HMGXB4: variants seen among roughly 807,000 people sequenced by gnomAD.
HMGXB4 encodes the protein HMG domain-containing protein 4.
In HMGXB4, 27 loss-of-function variants were observed where a neutral mutation model predicts 63.9. That is an observed-to-expected ratio of 0.42 (90% CI 0.31 to 0.58). The LOEUF is 0.58. Among genes scored for constraint, HMGXB4 ranks in the 20% least tolerant of loss-of-function variants. The pLI is 0.13. For missense variants in HMGXB4, 624 were observed against 700.7 expected (o/e 0.89, Z 1.24); for synonymous variants, 264 against 265.3 (o/e 0.99, Z 0.05).
At position 35,264,898 on chromosome 22, in the gene HMGXB4, A is replaced by C; in HGVS notation, c.510A>C (p.Lys170Asn). Residue 170 changes from lysine (K) to asparagine (N), a missense_variant, in exon 5 of 11, where the codon AAA becomes AAC. Around this residue, in one of 2 missense-constraint regions of HMGXB4, gnomAD observed 472 missense variants for 470.6 expected, o/e 1.00. Transcript: ENST00000216106. ...AGGATGGTGGCTCCCACAAATCGAAAAAAATGAAACCTCTCTATGTGAACA... is the reference window on the plus strand; with the variant it reads ...AGGATGGTGGCTCCCACAAATCGAACAAAATGAAACCTCTCTATGTGAACA... ...PLEDGGSHKS[K>N]KMKPLYVNTE... The C allele has an allele frequency of 6.2e-7, 1 of 1,614,174 alleles. No homozygotes were observed. Among genetic ancestry groups the C allele is most frequent in the South Asian group, 1.1e-5 (1 of 91,082 alleles).
chr22:35,259,901 C>G (rs1319141349), intron 1 of HMGXB4, among the ~76,000 whole-genome samples: 1 of 152,242 alleles, frequency 6.6e-6, no homozygotes, highest in Non-Finnish European at 1.5e-5. Context: ...GCCAACACCA[C>G]ATTTTCTTGG....
In HMGXB4 at chr22:35,286,029, G is replaced by A. The variant is rs267606236; in HGVS notation, c.1330G>A (p.Val444Met). The change falls in exon 7 of 11, where the codon GTG becomes ATG. Residue 444 changes from valine to methionine, a missense_variant. By Grantham distance (21) the Val-to-Met change is conservative (BLOSUM62 1). Coordinates refer to ENST00000216106, the MANE Select transcript of HMGXB4 (RefSeq NM_001003681.3). Reference protein sequence around the residue: ...FGELSKKLAEVWKQLPEKDKL... With the variant: ...FGELSKKLAEMWKQLPEKDKL... Reference sequence around the variant, plus strand: ...GGAACTTAGTAAAAAACTGGCTGAGGTGTGGAAGCAATTACCAGAAAAAGA... The same window carrying A: ...GGAACTTAGTAAAAAACTGGCTGAGATGTGGAAGCAATTACCAGAAAAAGA... 1 of 1,610,482 alleles carries A rather than the reference G, an allele frequency of 6.2e-7. No homozygotes were observed. The highest frequency in any genetic ancestry group is 1.9e-4 in the Middle Eastern group (1 of 5,344).
At chr22:35,253,616 C>CGCGTGT (rs1555886297), upstream of HMGXB4, among the ~76,000 whole-genome samples, 6 of 106,542 alleles carry the variant, frequency 5.6e-5, no homozygotes, top group South Asian at 9.6e-4. Context: ...CGCGCGCGCG[C>CGCGTGT]GTGTGTGTGT....
At position 35,257,554 on chromosome 22, in the gene HMGXB4, G is replaced by A. The variant is rs1206333651; in HGVS notation, c.-72G>A. 2 of 152,748 alleles carry A rather than the reference G, an allele frequency of 1.3e-5. No homozygotes were observed. Among genetic ancestry groups the A allele is most frequent in the Non-Finnish European group, 2.9e-5 (2 of 68,130 alleles). The allele number at this position is 152,748 out of a possible 1,614,324, so 9.5% of individuals were successfully genotyped here. On this transcript the variant is annotated 5_prime_UTR_variant, in exon 1 of 11. The change abolishes the stop of an existing upstream ORF in the 5' untranslated region. Coordinates refer to ENST00000216106, the MANE Select transcript of HMGXB4 (RefSeq NM_001003681.3). ...GAGGCGGGATCCGGGCGAGCCGAGT[G>A]AAGGTAGCGGCGAGCGGAGACCCCA... is the stretch of plus-strand genomic sequence containing the variant.
chr22:35,263,932 G>T, intron 4 of HMGXB4, 58 bp downstream of exon 4: 1 of 1,598,410 alleles, frequency 6.3e-7, no homozygotes, highest in African/African-American at 1.3e-5. Context: ...TTGGAGTCGG[G>T]GTAGGGGAAA....
the HMGXB4 span, among the ~76,000 whole-genome samples, chr22:35,248,610 GC>G: frequency 2.6e-5 from 4 of 151,998 alleles, no homozygotes; most frequent in East Asian, 7.7e-4. Context: ...TCACCACGTT[GC>G]CCAGGCTGGT....
chr22:35,251,603 A>C, the HMGXB4 span, among the ~76,000 whole-genome samples: 1 of 152,240 alleles, frequency 6.6e-6, no homozygotes, highest in African/African-American at 2.4e-5. Context: ...TGGGAAATGC[A>C]GTAATAGATA....
chr22:35,274,257 G>A (rs571178288), intron 5 of HMGXB4, among the ~76,000 whole-genome samples: 3 of 152,318 alleles, frequency 2.0e-5, no homozygotes, highest in South Asian at 4.1e-4. Context: ...GAAAATAGGA[G>A]TAGGCACCTC....
chr22:35,276,247 T>A (rs1021037774), intron 5 of HMGXB4, among the ~76,000 whole-genome samples: 14 of 152,202 alleles, frequency 9.2e-5, no homozygotes, highest in Non-Finnish European at 1.6e-4. Context: ...AGGCTCTACA[T>A]TGAAGGCTGA....
rs767967598 is a variant in HMGXB4, at chr22:35,265,579, CAAAG to C, written c.1193_1196del (p.Lys398ArgfsTer25). On this transcript the variant is annotated frameshift_variant, in exon 5 of 11. Coordinates refer to ENST00000216106, the MANE Select transcript of HMGXB4 (RefSeq NM_001003681.3). LOFTEE classifies it high-confidence loss of function. ...AAAAAAAGAAAAAAGAAGAGAAGGA[CAAAG>C]AGAGAGAGAGAGGAGAAAAGGTAAA... is the stretch of plus-strand genomic sequence containing the variant. 1.4e-5 allele frequency: 22 copies of C among 1,590,808 alleles called. No individual in the cohort carries two copies. The highest frequency in any genetic ancestry group is 2.2e-5 in the East Asian group (1 of 44,632).
chr22:35,250,179 T>C, the HMGXB4 span, among the ~76,000 whole-genome samples: 1 of 152,194 alleles, frequency 6.6e-6, no homozygotes, highest in South Asian at 2.1e-4. Flanking sequence ...AGGCCCCCTC[T>C]TCCCTGAAGC....
At chr22:35,280,931 C>T (rs1263935337) in intron 5 of HMGXB4, among the ~76,000 whole-genome samples, 1 of 152,224 alleles carries the variant, frequency 6.6e-6, no homozygotes, top group Non-Finnish European at 1.5e-5. Flanking sequence ...GTTCCCATAG[C>T]ACCCAATGCT....
chr22:35,282,303 A>G (rs1489251296), intron 5 of HMGXB4, among the ~76,000 whole-genome samples: 1 of 152,138 alleles, frequency 6.6e-6, no homozygotes, highest in African/African-American at 2.4e-5. Context: ...CAGCCTCCCG[A>G]GTAGCTGGGA....
chr22:35,264,390 C>G (rs950839225), intron 4 of HMGXB4, among the ~76,000 whole-genome samples: 10 of 152,194 alleles, frequency 6.6e-5, no homozygotes, highest in African/African-American at 2.4e-4. Flanking sequence ...GGTATGTGCT[C>G]TTTGGTTGCT....
Position 35,294,569 on chromosome 22 carries a change from C to T in HMGXB4, c.*918C>T, listed in dbSNP as rs753997085. ...CCCTGGTGGGCAGATACACAGTGTT[C>T]TGCATTCCACATGTAAGTGAATTGC... On this transcript the variant is annotated 3_prime_UTR_variant, in exon 11 of 11. Coordinates refer to ENST00000216106, the MANE Select transcript of HMGXB4 (RefSeq NM_001003681.3). The T allele has an allele frequency of 6.6e-6, 1 of 152,574 alleles. No homozygotes were observed. Among genetic ancestry groups the T allele is most frequent in the African/African-American group, 2.4e-5 (1 of 41,442 alleles). 9.5% of individuals were successfully genotyped at this position (152,574 alleles called of 1,614,324 possible). A position where few individuals can be genotyped will look rare whatever the true frequency, so the allele number is the denominator to read the frequency against.
At chr22:35,276,877 C>G (rs1032247746) in intron 5 of HMGXB4, among the ~76,000 whole-genome samples, 1 of 152,190 alleles carries the variant, frequency 6.6e-6, no homozygotes, top group Non-Finnish European at 1.5e-5. Flanking sequence ...TGATAAAGGT[C>G]AAATGATTTC....
In HMGXB4 at chr22:35,288,302, C is replaced by G; in HGVS notation, c.1533C>G (p.Ala511=). 6.2e-7 allele frequency: 1 copy of G among 1,612,522 alleles called. No homozygotes were observed. Among genetic ancestry groups the G allele is most frequent in the Non-Finnish European group, 8.5e-7 (1 of 1,179,024 alleles). The change falls in exon 9 of 11, where the codon GCC becomes GCG. Residue 511 remains alanine, a synonymous_variant. Coordinates refer to ENST00000216106, the MANE Select transcript of HMGXB4 (RefSeq NM_001003681.3). Reference sequence around the variant, plus strand: ...CACCCACCACCATGCTGTTACCAGCCTCACCAGCCAAAGCCCCTGAGACAG... The same window carrying G: ...CACCCACCACCATGCTGTTACCAGCGTCACCAGCCAAAGCCCCTGAGACAG... ...KSPPTTMLLP[A]SPAKAPETEP... is the part of the protein sequence containing the mutation.
chr22:35,282,959 T>G (rs564723978), intron 5 of HMGXB4, among the ~76,000 whole-genome samples: 1 of 152,366 alleles, frequency 6.6e-6, no homozygotes, highest in South Asian at 2.1e-4. Context: ...GAACTGACTT[T>G]AAAAATAATT....
intron 2 of HMGXB4, chr22:35,262,759 A>G (rs909579405): frequency 1.2e-5 from 6 of 516,316 alleles, no homozygotes; most frequent in Non-Finnish European, 2.1e-5. Flanking sequence ...CAGCACATGA[A>G]TCCTTATTCT....
Sources: allele counts gnomAD v4.1 joint callset (sites outside exome capture counted in the v4.1 genomes callset), GRCh38; gene constraint gnomAD v4.1.1; regional missense constraint gnomAD v4.1.1; transcripts MANE v1.5; gene names NCBI Gene and HGNC (gene_info 2026-07-23, HGNC 2026-07-21).